Variants in METTL25 observed in about 807,000 individuals in gnomAD.
METTL25 encodes the protein methyltransferase like 25.
Under a neutral mutation model 71.6 loss-of-function variants are expected in METTL25, and 64 were observed. The ratio of observed to expected loss-of-function variants is 0.89; its 90% CI spans 0.73 to 1.10. The LOEUF is 1.10. Among genes scored for constraint, METTL25 ranks in the 50% least tolerant of loss-of-function variants. METTL25 has a pLI of 0.00. For missense variants in METTL25, 807 were observed against 707.0 expected (o/e 1.14, Z -1.60); for synonymous variants, 287 against 250.3 (o/e 1.15, Z -1.38).
At chr12:82,360,979 A>T (rs866129839) in intron 1 of METTL25, among the ~76,000 whole-genome samples, 2 of 152,160 alleles carry the variant, frequency 1.3e-5, no homozygotes, top group African/African-American at 4.8e-5. Flanking sequence ...CGCAGTGTGG[A>T]CCCAAAGAGA....
At chr12:82,373,820 C>A (rs1349145885) in intron 1 of METTL25, among the ~76,000 whole-genome samples, 1 of 152,154 alleles carries the variant, frequency 6.6e-6, no homozygotes, top group Non-Finnish European at 1.5e-5. Context: ...TTAGAGAGCT[C>A]TTTCCCAGAA....
At chr12:82,400,958 T>A (rs1247762896) in intron 4 of METTL25, among the ~76,000 whole-genome samples, 1 of 152,136 alleles carries the variant, frequency 6.6e-6, no homozygotes, top group Non-Finnish European at 1.5e-5. Flanking sequence ...AAGAGAGAAA[T>A]TCGTAGCTTT....
intron 1 of METTL25, among the ~76,000 whole-genome samples, chr12:82,369,138 C>T (rs977981544): frequency 1.3e-5 from 2 of 152,126 alleles, no homozygotes; most frequent in African/African-American, 4.8e-5. Flanking sequence ...AATAAATATT[C>T]ACTCATATTG....
At chr12:82,470,478 C>T (rs1392859119) in intron 9 of METTL25, among the ~76,000 whole-genome samples, 1 of 152,086 alleles carries the variant, frequency 6.6e-6, no homozygotes, top group East Asian at 1.9e-4. Context: ...TATGCTGTTT[C>T]TACTATGTTT....
chr12:82,468,768 G>A (rs1892393805), intron 9 of METTL25: 1 of 152,284 alleles, frequency 6.6e-6, no homozygotes, highest in Non-Finnish European at 1.5e-5. Flanking sequence ...GGCTTGTATT[G>A]TTGCTATGTT....
intron 5 of METTL25, among the ~76,000 whole-genome samples, chr12:82,411,851 C>T (rs1887580591): frequency 6.6e-6 from 1 of 152,046 alleles, no homozygotes; most frequent in Admixed American, 6.6e-5. Flanking sequence ...ATTACAATTC[C>T]ACGCTTCGGT....
chr12:82,449,880 GC>G (rs1891018706), intron 8 of METTL25, among the ~76,000 whole-genome samples: 1 of 152,022 alleles, frequency 6.6e-6, no homozygotes, highest in Non-Finnish European at 1.5e-5. Context: ...TGAAAGTGCT[GC>G]CAATTTCTTT....
chr12:82,465,173 T>A (rs2137283380), intron 9 of METTL25, among the ~76,000 whole-genome samples: 1 of 152,110 alleles, frequency 6.6e-6, no homozygotes, highest in South Asian at 2.1e-4. Context: ...GGCATCTTTG[T>A]CTTGCTAAAG....
At chr12:82,365,562 T>G (rs929543291) in intron 1 of METTL25, among the ~76,000 whole-genome samples, 8 of 152,222 alleles carry the variant, frequency 5.3e-5, no homozygotes, top group African/African-American at 1.7e-4. Context: ...CAGACTGTGT[T>G]CTTGGGAAGT....
chr12:82,385,908 A>G (rs1884943429), intron 1 of METTL25, among the ~76,000 whole-genome samples: 1 of 152,026 alleles, frequency 6.6e-6, no homozygotes, highest in Non-Finnish European at 1.5e-5. Flanking sequence ...CACTCTTAAA[A>G]CTTCTTCCTG....
intron 1 of METTL25, among the ~76,000 whole-genome samples, chr12:82,361,469 G>A (rs547651002): frequency 2.6e-5 from 4 of 152,148 alleles, no homozygotes; most frequent in South Asian, 2.1e-4. Context: ...AGCAGGAGGC[G>A]GTGCTCGTTG....
rs1889436830 is a variant in METTL25, at chr12:82,430,947, G to A, written c.1334G>A (p.Arg445Lys). 2 of 1,602,990 alleles carry A rather than the reference G, an allele frequency of 1.2e-6. No individual in the cohort carries two copies. Among genetic ancestry groups the A allele is most frequent in the Non-Finnish European group, 1.7e-6 (2 of 1,173,466 alleles). The change falls in exon 6 of 12, where the codon AGA becomes AAA. Residue 445 changes from arginine (R) to lysine (K), a missense_variant. Physicochemically the swap from Arg to Lys is conservative, Grantham distance 26 (BLOSUM62 2). Coordinates refer to ENST00000248306, the MANE Select transcript of METTL25 (RefSeq NM_032230.3). ...FPMCHYLKEERWCCGRNARMS... is the reference protein window; with the variant it reads ...FPMCHYLKEEKWCCGRNARMS... ...ATGTGCCACTATTTAAAGGAAGAGAGATGGTGCTGTGGTCGTAATGCCAGA... is the reference window on the plus strand; with the variant it reads ...ATGTGCCACTATTTAAAGGAAGAGAAATGGTGCTGTGGTCGTAATGCCAGA...
intron 9 of METTL25, among the ~76,000 whole-genome samples, chr12:82,457,323 C>T (rs1325450343): frequency 1.1e-4 from 3 of 27,196 alleles, no homozygotes; most frequent in East Asian, 9.6e-4. Context: ...AATATTCTAC[C>T]ACTGAGGGAA....
Position 82,386,972 on chromosome 12 carries a change from G to T in METTL25, c.424+5G>T, listed in dbSNP as rs770379007. ...GAAATCAAAACCAGAGAATTGGTAT[G>T]TCTATTTATGTGTGTGTATGTGTGC... On this transcript the variant is annotated splice_donor_5th_base_variant and intron_variant, in intron 2 of 11. Coordinates refer to ENST00000248306, the MANE Select transcript of METTL25 (RefSeq NM_032230.3). 2 of 1,610,588 alleles carry T rather than the reference G, an allele frequency of 1.2e-6. No homozygotes were observed. Among genetic ancestry groups the T allele is most frequent in the South Asian group, 2.2e-5 (2 of 90,900 alleles).
chr12:82,380,435 G>GTA (rs34774322), intron 1 of METTL25, among the ~76,000 whole-genome samples: 451 of 2,970 alleles, frequency 0.15, 4 homozygotes, highest in Middle Eastern at 0.25. Context: ...GTATGTGTAT[G>GTA]TATATATATA....
At chr12:82,419,950 T>C (rs1888334818) in intron 5 of METTL25, among the ~76,000 whole-genome samples, 1 of 152,162 alleles carries the variant, frequency 6.6e-6, no homozygotes, top group African/African-American at 2.4e-5. Context: ...ACCTAAGATA[T>C]GGAATCATTT....
chr12:82,378,779 C>T lies in METTL25; in HGVS notation c.260-8024C>T, dbSNP rs938962353. Among the ~76,000 whole-genome samples, 16 of 152,214 alleles carry T rather than the reference C, an allele frequency of 1.1e-4. No homozygotes were observed. In the East Asian group the frequency reaches 3.1e-3, roughly 29 times the overall value. The stretch of plus-strand genomic sequence containing the variant: ...CAATAGCTCACACTTATGATCCCGG[C>T]ATTTGGGAAGGGCTGAGGTGGGGGG... On this transcript the variant is annotated intron_variant, in intron 1 of 11. Coordinates refer to ENST00000248306, the MANE Select transcript of METTL25 (RefSeq NM_032230.3).
chr12:82,406,523 C>T (rs2137041162), intron 5 of METTL25, among the ~76,000 whole-genome samples: 1 of 152,004 alleles, frequency 6.6e-6, no homozygotes, highest in East Asian at 1.9e-4. Context: ...TTTCATTTTG[C>T]AAGGTGTTTA....
At chr12:82,418,694 A>C (rs1428250497) in intron 5 of METTL25, among the ~76,000 whole-genome samples, 1 of 152,144 alleles carries the variant, frequency 6.6e-6, no homozygotes, top group Non-Finnish European at 1.5e-5. Flanking sequence ...ATGACAAAAA[A>C]ACTTGAGTTG....
Sources: gnomAD v4.1 joint callset for allele counts (sites outside exome capture counted in the v4.1 genomes callset) on GRCh38, gnomAD v4.1.1 for gene constraint, MANE v1.5 for transcripts, NCBI Gene and HGNC (gene_info 2026-07-23, HGNC 2026-07-21) for gene names.